Variants in HEATR5B observed in about 807,000 individuals in gnomAD.
HEATR5B encodes HEAT repeat-containing protein 5B.
Under a neutral mutation model 224.1 loss-of-function variants are expected in HEATR5B, and 156 were observed. The observed-to-expected ratio is 0.70, with a 90% confidence interval of 0.61 to 0.80. The LOEUF (loss-of-function observed/expected upper bound fraction) is 0.80, where lower values mean the gene tolerates loss of function less well. Among genes scored for constraint, HEATR5B ranks in the 30% least tolerant of loss-of-function variants. The pLI, the probability that HEATR5B is intolerant of heterozygous loss-of-function variation, is 0.00. For synonymous variants in HEATR5B, 1,027 were observed against 893.0 expected (o/e 1.15, Z -2.68); for missense variants, 2,323 against 2,535.5 (o/e 0.92, Z 1.80).
intron 32 of HEATR5B, 101 bp downstream of exon 32, chr2:37,002,205 T>TTC: frequency 5.4e-6 from 7 of 1,284,606 alleles, no homozygotes; most frequent in Non-Finnish European, 6.5e-6. Flanking sequence ...TCACTTGAGA[T>TTC]TTAAGAGGAA....
intron 18 of HEATR5B, among the ~76,000 whole-genome samples, chr2:37,043,052 A>T (rs755270669): frequency 9.8e-5 from 15 of 152,322 alleles, no homozygotes; most frequent in Non-Finnish European, 2.1e-4. Flanking sequence ...CAACATACAT[A>T]TCTCAACTGG....
chr2:37,007,449 T>A (rs1416670285), intron 28 of HEATR5B, 145 bp from the exon 29 acceptor site: 6 of 856,382 alleles, frequency 7.0e-6, no homozygotes, highest in Non-Finnish European at 1.0e-5. Context: ...GTTCAAGCAA[T>A]TCTCCTGCCT....
chr2:36,990,845 G>A, intron 33 of HEATR5B, 46 bp from the exon 34 acceptor site: 1 of 1,481,332 alleles, frequency 6.8e-7, no homozygotes, highest in East Asian at 2.4e-5. Flanking sequence ...AAAACATTTT[G>A]GCATTTTATT....
intron 2 of HEATR5B, among the ~76,000 whole-genome samples, chr2:37,082,476 A>G: frequency 6.6e-6 from 1 of 152,164 alleles, no homozygotes; most frequent in East Asian, 1.9e-4. Context: ...CATAAATAAA[A>G]TCTCTGCAGC....
At chr2:37,079,762 A>G (rs1213279772) in intron 2 of HEATR5B, among the ~76,000 whole-genome samples, 1 of 152,198 alleles carries the variant, frequency 6.6e-6, no homozygotes, top group Non-Finnish European at 1.5e-5. Context: ...AGAGCCCTAG[A>G]CAACAGGAAA....
chr2:37,080,827 G>A (rs1156992288), intron 2 of HEATR5B, among the ~76,000 whole-genome samples: 1 of 151,388 alleles, frequency 6.6e-6, no homozygotes, highest in African/African-American at 2.4e-5. Context: ...AGAACAAGAA[G>A]TAGTAGTTAG....
At chr2:37,061,139 C>G (rs1050237723) in intron 11 of HEATR5B, among the ~76,000 whole-genome samples, 1 of 152,066 alleles carries the variant, frequency 6.6e-6, no homozygotes, top group Non-Finnish European at 1.5e-5. Flanking sequence ...TATACCCACT[C>G]ACACACACAT....
chr2:37,009,597 T>G (rs1226392286), intron 27 of HEATR5B, among the ~76,000 whole-genome samples: 2 of 151,684 alleles, frequency 1.3e-5, no homozygotes, highest in East Asian at 3.9e-4. Context: ...AAAAAAAAAG[T>G]ATATACAACT....
intron 5 of HEATR5B, among the ~76,000 whole-genome samples, chr2:37,073,107 T>C (rs556723975): frequency 1.3e-5 from 2 of 152,346 alleles, no homozygotes; most frequent in South Asian, 4.1e-4. Context: ...ATAATGCCAG[T>C]ATCACCTTGA....
At chr2:37,075,017 A>T (rs528991677) in intron 5 of HEATR5B, among the ~76,000 whole-genome samples, 1 of 152,344 alleles carries the variant, frequency 6.6e-6, no homozygotes, top group South Asian at 2.1e-4. Flanking sequence ...ACTTTTCTGA[A>T]CGTTAAACTA....
chr2:37,028,553 G>T, intron 23 of HEATR5B, 128 bp downstream of exon 23: 2 of 660,734 alleles, frequency 3.0e-6, no homozygotes, highest in Non-Finnish European at 4.7e-6. Flanking sequence ...GAGATTTGTA[G>T]ATCAAAAGTT....
At chr2:36,992,813 C>T (rs994183070) in intron 33 of HEATR5B, among the ~76,000 whole-genome samples, 2 of 152,022 alleles carry the variant, frequency 1.3e-5, no homozygotes, top group African/African-American at 4.8e-5. Context: ...CAGCCTTGAA[C>T]TCCTGGGCTC....
chr2:37,000,920 T>A, intron 32 of HEATR5B, 107 bp from the exon 33 acceptor site: 1 of 704,884 alleles, frequency 1.4e-6, no homozygotes. Flanking sequence ...ATATTGTTTT[T>A]TTCCTTGTCT....
intron 33 of HEATR5B, among the ~76,000 whole-genome samples, chr2:36,997,787 C>T (rs946891865): frequency 7.9e-5 from 12 of 151,538 alleles, no homozygotes; most frequent in African/African-American, 2.9e-4. Context: ...AGGATGGTGT[C>T]GATCTCCTGA....
At chr2:37,059,675 G>A (rs1046586223) in intron 12 of HEATR5B, among the ~76,000 whole-genome samples, 6 of 151,620 alleles carry the variant, frequency 4.0e-5, no homozygotes, top group Non-Finnish European at 7.4e-5. Flanking sequence ...TATTGGTCAG[G>A]CTGGTCTAGA....
At chr2:37,045,277 T>C (rs1670120251) in intron 18 of HEATR5B, among the ~76,000 whole-genome samples, 2 of 152,218 alleles carry the variant, frequency 1.3e-5, no homozygotes, top group Admixed American at 6.5e-5. Flanking sequence ...CTAGTAATTT[T>C]TGATTGGATA....
chr2:37,005,375 A>G (rs547338421), intron 30 of HEATR5B, among the ~76,000 whole-genome samples: 6 of 152,278 alleles, frequency 3.9e-5, no homozygotes, highest in African/African-American at 1.4e-4. Context: ...CATGCACTAA[A>G]ATAGCACTTA....
intron 20 of HEATR5B, among the ~76,000 whole-genome samples, chr2:37,038,740 T>C (rs1326772210): frequency 6.6e-6 from 1 of 151,066 alleles, no homozygotes; most frequent in Admixed American, 6.6e-5. Context: ...AGGTCAGGAG[T>C]TCGAGACCAG....
At chr2:37,053,941 G>A (rs1670721868) in intron 16 of HEATR5B, among the ~76,000 whole-genome samples, 2 of 151,634 alleles carry the variant, frequency 1.3e-5, no homozygotes, top group African/African-American at 4.9e-5. Flanking sequence ...CATTAATTAT[G>A]TATCTCCGTG....
Sources: gnomAD v4.1 joint callset for allele counts (sites outside exome capture counted in the v4.1 genomes callset) on GRCh38, gnomAD v4.1.1 for gene constraint, MANE v1.5 for transcripts, NCBI Gene and HGNC (gene_info 2026-07-23, HGNC 2026-07-21) for gene names.